Variants in ZFP28 observed in about 807,000 individuals in gnomAD.
The protein encoded by ZFP28 is ZFP28 zinc finger protein.
ZFP28 carries 31 observed loss-of-function variants against 39.5 expected under a neutral mutation model. The ratio of observed to expected loss-of-function variants is 0.79; its 90% CI spans 0.59 to 1.06. The LOEUF is 1.06. ZFP28 is among the 50% of genes least tolerant of loss of function. The pLI, the probability that ZFP28 is intolerant of heterozygous loss-of-function variation, is 0.00. For synonymous variants in ZFP28, 400 were observed against 378.6 expected, an observed-to-expected ratio of 1.06 and a Z score of -0.66; for missense variants, 925 against 1,048.4, an observed-to-expected ratio of 0.88 and a Z score of 1.63.
chr19:56,544,575 G>A lies in ZFP28; in HGVS notation c.301-2933G>A, dbSNP rs576466626. 6 of 152,340 alleles carry A rather than the reference G, an allele frequency of 3.9e-5. No homozygotes were observed. In the Middle Eastern group the frequency reaches 0.01, roughly 259 times the overall value. The allele number at this position is 152,340 out of a possible 1,614,324, so 9.4% of individuals were successfully genotyped here. ...CACCTGAAGTGGAGGTTAAGAGCATGGACTGTGGAGTCAGACTCCTGGGTT... is the reference window on the plus strand; with the variant it reads ...CACCTGAAGTGGAGGTTAAGAGCATAGACTGTGGAGTCAGACTCCTGGGTT... On this transcript the variant is annotated intron_variant, in intron 2 of 7. Coordinates refer to ENST00000301318, the MANE Select transcript of ZFP28 (RefSeq NM_020828.2).
At chr19:56,540,231 G>A (rs1311066674) in intron 2 of ZFP28, among the ~76,000 whole-genome samples, 1 of 152,208 alleles carries the variant, frequency 6.6e-6, no homozygotes, top group Non-Finnish European at 1.5e-5. Flanking sequence ...CTCCTGTAGC[G>A]GAAGGGTAGG....
At chr19:56,540,957 T>C (rs1195689448) in intron 2 of ZFP28, among the ~76,000 whole-genome samples, 3 of 152,180 alleles carry the variant, frequency 2.0e-5, no homozygotes, top group Non-Finnish European at 4.4e-5. Flanking sequence ...AGCACTCTGC[T>C]CATGGCCCTT....
Position 56,547,453 on chromosome 19 carries a change from A to G in ZFP28, c.301-55A>G. The G allele has an allele frequency of 1.5e-5, 24 of 1,613,166 alleles. No individual in the cohort carries two copies. Among genetic ancestry groups the G allele is most frequent in the Non-Finnish European group, 1.9e-5 (23 of 1,179,616 alleles). ...ACATTTCTTTCTATAACAAACCCCCAGTCATGTGGGGGCATGAGCACTGGT... is the reference window on the plus strand; with the variant it reads ...ACATTTCTTTCTATAACAAACCCCCGGTCATGTGGGGGCATGAGCACTGGT... On this transcript the variant is annotated intron_variant, in intron 2 of 7. Coordinates refer to ENST00000301318, the MANE Select transcript of ZFP28 (RefSeq NM_020828.2). This position sits in a 1 kb window ranked among gnomAD's most constrained non-coding sequence, Gnocchi z 4.6.
In ZFP28 at chr19:56,547,451, C is replaced by T; in HGVS notation, c.301-57C>T. ...ACACATTTCTTTCTATAACAAACCCCCAGTCATGTGGGGGCATGAGCACTG... is the reference window on the plus strand; with the variant it reads ...ACACATTTCTTTCTATAACAAACCCTCAGTCATGTGGGGGCATGAGCACTG... On this transcript the variant is annotated intron_variant, in intron 2 of 7. Coordinates refer to ENST00000301318, the MANE Select transcript of ZFP28 (RefSeq NM_020828.2). This position sits in a 1 kb window ranked among gnomAD's most constrained non-coding sequence, Gnocchi z 4.6. 5 of 1,612,834 alleles carry T rather than the reference C, an allele frequency of 3.1e-6. No homozygotes were observed. The highest frequency in any genetic ancestry group is 4.2e-6 in the Non-Finnish European group (5 of 1,179,464).
chr19:56,543,084 A>G (rs2044209670), intron 2 of ZFP28, among the ~76,000 whole-genome samples: 1 of 152,188 alleles, frequency 6.6e-6, no homozygotes, highest in Non-Finnish European at 1.5e-5. Flanking sequence ...TTTGAAAAAA[A>G]TGTACACTTC....
At position 56,555,001 on chromosome 19, in the gene ZFP28, A is replaced by T; in HGVS notation, c.2216A>T (p.Lys739Met). 6.2e-7 allele frequency: 1 copy of T among 1,614,172 alleles called. No individual in the cohort carries two copies. Among genetic ancestry groups the T allele is most frequent in the South Asian group, 1.1e-5 (1 of 91,086 alleles). ...YECIECGKAFKTKSSLICHRR... is the reference protein window; with the variant it reads ...YECIECGKAFMTKSSLICHRR... Reference sequence around the variant, plus strand: ...TGTATTGAGTGTGGAAAGGCATTCAAGACAAAATCCTCCCTTATTTGTCAT... The same window carrying T: ...TGTATTGAGTGTGGAAAGGCATTCATGACAAAATCCTCCCTTATTTGTCAT... Residue 739 changes from lysine (K) to methionine (M), a missense_variant, in exon 8 of 8, where the codon AAG becomes ATG. Transcript: ENST00000301318.
rs8108479 is a variant in ZFP28, at chr19:56,555,582, G to A, written c.*190G>A. 69 of 745,748 alleles carry A rather than the reference G, an allele frequency of 9.3e-5. No individual in the cohort carries two copies. The African/African-American group carries it at 1.1e-3, about 12-fold the overall frequency. 46.2% of individuals were successfully genotyped at this position (745,748 alleles called of 1,614,324 possible). A position where few individuals can be genotyped will look rare whatever the true frequency, so the allele number is the denominator to read the frequency against. On this transcript the variant is annotated 3_prime_UTR_variant, in exon 8 of 8. Transcript: ENST00000301318. ...GTGAGATGTGCTCAGCACAGTGCCT[G>A]GTCCATAGTAAGTGCTCAGTAAACT...
At chr19:56,550,626 T>C in intron 7 of ZFP28, 21 bp downstream of exon 7, 1 of 1,613,362 alleles carries the variant, frequency 6.2e-7, no homozygotes, top group Non-Finnish European at 8.5e-7. Flanking sequence ...GAGAGCCTGG[T>C]GTGGAAAATC....
chr19:56,539,551 G>A lies in ZFP28; in HGVS notation c.209-74G>A, dbSNP rs2286424. On this transcript the variant is annotated intron_variant, in intron 1 of 7. Coordinates refer to ENST00000301318, the MANE Select transcript of ZFP28 (RefSeq NM_020828.2). ...GATCTGATCCCACCTTTTCATGCAG[G>A]AAGGGACGTTTCTAGGCTGGTGATT... The A allele has an allele frequency of 3.8e-4, 485 of 1,288,206 alleles. 5 individuals are homozygous for A. The East Asian group carries it at 0.011, about 29-fold the overall frequency. The allele number at this position is 1,288,206 out of a possible 1,614,324, so 79.8% of individuals were successfully genotyped here.
At position 56,553,948 on chromosome 19, in the gene ZFP28, C is replaced by G. The variant is rs778846582; in HGVS notation, c.1163C>G (p.Ser388Ter). ...KSGRWFYLDD[S>*]EEKVHNRDSI... ...GGAAGATGGTTCTATTTGGACGATTCAGAAGAGAAAGTTCATAATCGTGAT... is the reference window on the plus strand; with the variant it reads ...GGAAGATGGTTCTATTTGGACGATTGAGAAGAGAAAGTTCATAATCGTGAT... Residue 388 changes from serine (S) to a stop codon, truncating the protein, a stop_gained, in exon 8 of 8, where the codon TCA (serine) becomes TGA (stop). Transcript: ENST00000301318. LOFTEE classifies it low-confidence loss of function (END_TRUNC). 1.2e-5 allele frequency: 20 copies of G among 1,613,210 alleles called. No individual in the cohort carries two copies. The highest frequency in any genetic ancestry group is 1.5e-5 in the Non-Finnish European group (18 of 1,179,846).
In ZFP28 at chr19:56,551,180, A is replaced by AG. The variant is rs2044298752; in HGVS notation, c.898+575_898+576insG. The AG allele has an allele frequency of 9.1e-6, 9 of 988,976 alleles. No homozygotes were observed. The South Asian group carries it at 4.2e-4, about 46-fold the overall frequency. The allele number at this position is 988,976 out of a possible 1,614,324, so 61.3% of individuals were successfully genotyped here. A position where few individuals can be genotyped will look rare whatever the true frequency, so the allele number is the denominator to read the frequency against. ...GGAGATGTTGTTCCCAGTGGTGTCT[A>AG]TGTTTTAGTAGGACAGGTGGGTAGA... On this transcript the variant is annotated intron_variant, in intron 7 of 7. Transcript: ENST00000301318.
At chr19:56,539,423 G>A (rs375485258) in intron 1 of ZFP28, among the ~76,000 whole-genome samples, 197 bp downstream of exon 1, 50 of 152,284 alleles carry the variant, frequency 3.3e-4, no homozygotes, top group Non-Finnish European at 4.6e-4. Flanking sequence ...AAAGGGTGTT[G>A]ACTTTCCCAG....
chr19:56,551,757 C>G lies in ZFP28; in HGVS notation c.898+1152C>G, dbSNP rs748872461. 4.5e-4 allele frequency: 442 copies of G among 984,064 alleles called. 1 individual carries two copies. Among genetic ancestry groups the G allele is most frequent in the Middle Eastern group, 2.1e-3 (4 of 1,934 alleles). 61.0% of individuals were successfully genotyped at this position (984,064 alleles called of 1,614,324 possible). On this transcript the variant is annotated intron_variant, in intron 7 of 7. Transcript: ENST00000301318. Reference sequence around the variant, plus strand: ...TTCTTTTTTTATGAAAGAAGTTGAACATTTTTTCGTAAATTTGGTTTTTCT... The same window carrying G: ...TTCTTTTTTTATGAAAGAAGTTGAAGATTTTTTCGTAAATTTGGTTTTTCT...
rs765397521 is a variant in ZFP28 at position 56,539,641 on chromosome 19, C to T, written c.225C>T (p.Asp75=). Residue 75 remains aspartate (D), a synonymous_variant, in exon 2 of 8, where the codon GAC becomes GAT. Coordinates refer to ENST00000301318, the MANE Select transcript of ZFP28 (RefSeq NM_020828.2). ...CTCTTTCAGCTCTGCCTTCCAGGGA[C>T]ACTGCTCTTCCCCAGGAGAGAAACA... The part of the protein sequence containing the change: ...GPGHRALPSR[D]TALPQERNKK... The T allele has an allele frequency of 6.2e-7, 1 of 1,614,072 alleles. No homozygotes were observed. Among genetic ancestry groups the T allele is most frequent in the South Asian group, 1.1e-5 (1 of 91,080 alleles).
In ZFP28 at chr19:56,548,971, G is replaced by A; in HGVS notation, c.537G>A (p.Val179=). 6.2e-7 allele frequency: 1 copy of A among 1,613,624 alleles called. No homozygotes were observed. The highest frequency in any genetic ancestry group is 8.5e-7 in the Non-Finnish European group (1 of 1,179,832). Reference sequence around the variant, plus strand: ...TACGTCTTTCAGACTTGAAGGCTGTGTGGAAGATCAAGGAGTTACCTCTCA... The same window carrying A: ...TACGTCTTTCAGACTTGAAGGCTGTATGGAAGATCAAGGAGTTACCTCTCA... ...TRAWCPDLKA[V]WKIKELPLKK... is the part of the protein sequence containing the mutation. Residue 179 remains valine, a synonymous_variant, in exon 5 of 8, where the codon GTG becomes GTA. Coordinates refer to ENST00000301318, the MANE Select transcript of ZFP28 (RefSeq NM_020828.2).
In ZFP28 at chr19:56,554,726, T is replaced by TA. The variant is rs1282086104; in HGVS notation, c.1943dup (p.Val649GlyfsTer3). ...ATACTGGAGAGAAGCCCTATGAATG[T>TA]AAGGTTTGTAGTAAAGCGTTCACCC... is the stretch of plus-strand genomic sequence containing the variant. On this transcript the variant is annotated frameshift_variant, in exon 8 of 8. Transcript: ENST00000301318. LOFTEE classifies it low-confidence loss of function (END_TRUNC). The surrounding 1 kb of genome is among the most constrained non-coding windows in gnomAD (Gnocchi z 6.7). 6.2e-7 allele frequency: 1 copy of TA among 1,614,134 alleles called. No homozygotes were observed. The highest frequency in any genetic ancestry group is 8.5e-7 in the Non-Finnish European group (1 of 1,180,012).
At chr19:56,543,310 T>TGC (rs2044211788) in intron 2 of ZFP28, among the ~76,000 whole-genome samples, 1 of 148,220 alleles carries the variant, frequency 6.7e-6, no homozygotes, top group Non-Finnish European at 1.5e-5. Flanking sequence ...TTTGTGTGTG[T>TGC]GCGTGTGTTT....
chr19:56,551,426 T>G (rs1311253032), intron 7 of ZFP28: 1 of 985,534 alleles, frequency 1.0e-6, no homozygotes, highest in African/African-American at 1.7e-5. Context: ...CAGTGTATAT[T>G]CAGTTACGCA....
intron 4 of ZFP28, 48 bp from the exon 5 acceptor site, chr19:56,548,910 A>C: frequency 6.6e-7 from 1 of 1,514,640 alleles, no homozygotes. Context: ...ATTTTTCTTC[A>C]TACTAACACA....
Sources: allele counts gnomAD v4.1 joint callset (sites outside exome capture counted in the v4.1 genomes callset), GRCh38; gene constraint gnomAD v4.1.1; non-coding constraint Gnocchi (gnomAD v3.1); transcripts MANE v1.5; gene names NCBI Gene and HGNC (gene_info 2026-07-23, HGNC 2026-07-21).